The following KDM4C variants were observed in gnomAD, a reference collection of about 807,000 sequenced individuals.
The protein encoded by KDM4C is lysine demethylase 4C.
A neutral mutation model predicts 129.3 loss-of-function variants in KDM4C; 81 were observed. The observed-to-expected ratio is 0.63, with a 90% CI of 0.52 to 0.75. KDM4C has a LOEUF of 0.75. Among genes scored for constraint, KDM4C ranks in the 30% least tolerant of loss-of-function variants. The pLI is 0.00. For synonymous variants in KDM4C, 573 were observed against 456.1 expected (o/e 1.26, Z -3.26); for missense variants, 1,457 against 1,304.0 (o/e 1.12, Z -1.81).
intron 4 of KDM4C, among the ~76,000 whole-genome samples, chr9:6,823,077 T>C (rs1347196898): frequency 6.6e-6 from 1 of 152,242 alleles, no homozygotes; most frequent in African/African-American, 2.4e-5. Flanking sequence ...AATGAAGTTC[T>C]ACATGTTTTG....
At chr9:6,986,254 A>G in intron 10 of KDM4C, 90 bp from the exon 11 acceptor site, 1 of 855,590 alleles carries the variant, frequency 1.2e-6, no homozygotes. Context: ...TGTGTGTGTA[A>G]GATACAGAAT....
intron 17 of KDM4C, among the ~76,000 whole-genome samples, chr9:7,088,608 G>A (rs549949276): frequency 3.9e-5 from 6 of 152,228 alleles, no homozygotes; most frequent in South Asian, 4.1e-4. Flanking sequence ...ATATGCAATC[G>A]TCTGAAAGGT....
intron 1 of KDM4C, among the ~76,000 whole-genome samples, chr9:6,777,687 A>G (rs1823377886): frequency 6.6e-6 from 1 of 152,092 alleles, no homozygotes; most frequent in African/African-American, 2.4e-5. Flanking sequence ...TCTGGAGTGC[A>G]GTGGCGCGAT....
chr9:7,014,093 C>T, intron 14 of KDM4C, 92 bp downstream of exon 14: 1 of 946,232 alleles, frequency 1.1e-6, no homozygotes, highest in Non-Finnish European at 1.6e-6. Flanking sequence ...AGATCTGTTG[C>T]ATGGACTATT....
intron 15 of KDM4C, among the ~76,000 whole-genome samples, chr9:7,032,363 T>TTTA (rs1442978047): frequency 6.6e-6 from 1 of 152,210 alleles, no homozygotes; most frequent in East Asian, 1.9e-4. Flanking sequence ...GAACACAACC[T>TTTA]TTATTACCCC....
rs937111144 is a variant in KDM4C, at chr9:7,047,234, T to C, written c.2315+317T>C. ...GCCATTAGAATCCTGGTGTTTAATA[T>C]GATGAATGCTATTGGTCTGTTAAAA... On this transcript the variant is annotated intron_variant, in intron 16 of 21. Coordinates refer to ENST00000381309, the MANE Select transcript of KDM4C (RefSeq NM_015061.6). Among the ~76,000 whole-genome samples, 7 of 152,192 alleles carry C rather than the reference T, an allele frequency of 4.6e-5. 1 individual carries two copies. The highest frequency in any genetic ancestry group is 6.8e-3 in the Middle Eastern group (2 of 294).
At chr9:7,135,782 G>A (rs547835740) in intron 19 of KDM4C, among the ~76,000 whole-genome samples, 2 of 152,290 alleles carry the variant, frequency 1.3e-5, no homozygotes, top group Admixed American at 1.3e-4. Flanking sequence ...AAGCAATTTT[G>A]GATCTTCGTC....
At chr9:7,026,789 T>G (rs962762115) in intron 15 of KDM4C, among the ~76,000 whole-genome samples, 3 of 151,960 alleles carry the variant, frequency 2.0e-5, no homozygotes, top group African/African-American at 4.8e-5. Context: ...TCTTTCTTCT[T>G]TTGTCTCCTC....
chr9:6,823,207 C>T (rs1188305147), intron 4 of KDM4C, among the ~76,000 whole-genome samples: 2 of 152,212 alleles, frequency 1.3e-5, no homozygotes, highest in East Asian at 1.9e-4. Flanking sequence ...CTCCTCCTCT[C>T]ATCCTCATCT....
At chr9:6,816,538 A>T (rs1468739428) in intron 4 of KDM4C, among the ~76,000 whole-genome samples, 1 of 152,166 alleles carries the variant, frequency 6.6e-6, no homozygotes, top group Non-Finnish European at 1.5e-5. Context: ...GCATTCTTTT[A>T]TGTCTGGCTT....
At chr9:6,777,019 T>C (rs768968168) in intron 1 of KDM4C, among the ~76,000 whole-genome samples, 1 of 152,194 alleles carries the variant, frequency 6.6e-6, no homozygotes, top group East Asian at 1.9e-4. Flanking sequence ...GTTTTTATTG[T>C]CTTGTATTGT....
rs71487860 is a variant in KDM4C, at chr9:6,834,043, C to CTTTTTTTTTTTTTTT, written c.436-15463_436-15449dup. ...CATGGGATATGACTCAAGAGATAGTCTTTTTTTTTTTTTTTAAGATAGTCT... is the reference window on the plus strand; with the variant it reads ...CATGGGATATGACTCAAGAGATAGTCTTTTTTTTTTTTTTTTTTTTTTTTTTTTTTAAGATAGTCT... On this transcript the variant is annotated intron_variant, in intron 4 of 21. Coordinates refer to ENST00000381309, the MANE Select transcript of KDM4C (RefSeq NM_015061.6). 5.1e-3 allele frequency among the ~76,000 whole-genome samples: 555 copies of CTTTTTTTTTTTTTTT among 109,306 alleles called. 54 individuals carry two copies. Among genetic ancestry groups the CTTTTTTTTTTTTTTT allele is most frequent in the Non-Finnish European group, 6.0e-3 (341 of 56,516 alleles). 71.7% of individuals were successfully genotyped at this position (109,306 alleles called of 152,430 possible). A position where few individuals can be genotyped will look rare whatever the true frequency, so the allele number is the denominator to read the frequency against.
intron 1 of KDM4C, chr9:6,734,633 ATAAC>A (rs1214630273): frequency 1.1e-5 from 3 of 262,702 alleles, no homozygotes; most frequent in Non-Finnish European, 1.5e-5. Flanking sequence ...GCATTTGGAG[ATAAC>A]ATACTTGCCA....
chr9:7,110,571 A>AC lies in KDM4C; in HGVS notation c.2610+6703dup, dbSNP rs57267165. 4.7e-3 allele frequency among the ~76,000 whole-genome samples: 720 copies of AC among 152,252 alleles called. 7 individuals carry two copies. The highest frequency in any genetic ancestry group is 0.016 in the African/African-American group (660 of 41,546). ...TGGGAATGAGGTATGGGTTGGGCCT[A>AC]CCACCTCCTCATCCTCTACGCGCTT... On this transcript the variant is annotated intron_variant, in intron 18 of 21. Coordinates refer to ENST00000381309, the MANE Select transcript of KDM4C (RefSeq NM_015061.6).
At chr9:6,873,921 AGAGAGAGAGTGAGAGAGAGC>A (rs1317385015) in intron 5 of KDM4C, among the ~76,000 whole-genome samples, 167 of 145,042 alleles carry the variant, frequency 1.2e-3, no homozygotes, top group African/African-American at 2.9e-3. Context: ...AGAGCGAGAG[AGAGAGAGAGTGAGAGAGAGC>A]GAGAGAGAGA....
chr9:6,872,644 C>T (rs1842952570), intron 5 of KDM4C, among the ~76,000 whole-genome samples: 1 of 151,950 alleles, frequency 6.6e-6, no homozygotes, highest in East Asian at 1.9e-4. Context: ...CTTTTTTGGT[C>T]TTTGTTGGTT....
At chr9:6,948,527 C>T (rs1271640014) in intron 8 of KDM4C, among the ~76,000 whole-genome samples, 30 of 131,202 alleles carry the variant, frequency 2.3e-4, no homozygotes, top group African/African-American at 7.0e-4. Flanking sequence ...GGGTGTTTCT[C>T]GCAGAGGGGG....
intron 8 of KDM4C, among the ~76,000 whole-genome samples, chr9:6,954,557 C>G (rs10975933): frequency 0.34 from 51,936 of 151,976 alleles, 9,895 homozygotes; most frequent in East Asian, 0.71. Flanking sequence ...CCTTATTGAT[C>G]TATCTATAAA....
intron 15 of KDM4C, among the ~76,000 whole-genome samples, chr9:7,020,284 A>G (rs1224064127): frequency 6.6e-6 from 1 of 152,236 alleles, no homozygotes; most frequent in Non-Finnish European, 1.5e-5. Context: ...AACTCCACAA[A>G]TAACTGTCAA....
Sources: gnomAD v4.1 joint callset for allele counts (sites outside exome capture counted in the v4.1 genomes callset) on GRCh38, gnomAD v4.1.1 for gene constraint, MANE v1.5 for transcripts, NCBI Gene and HGNC (gene_info 2026-07-23, HGNC 2026-07-21) for gene names.